FBXL19: variants seen among roughly 807,000 people sequenced by gnomAD.
The protein encoded by FBXL19 is F-box and leucine rich repeat protein 19, also known as F-box/LRR-repeat protein 19.
In FBXL19, 16 loss-of-function variants were observed where a neutral mutation model predicts 71.2. The ratio of observed to expected loss-of-function variants is 0.22; its 90% confidence interval spans 0.15 to 0.34. The LOEUF is 0.34. FBXL19 is among the 10% of genes least tolerant of loss of function. FBXL19 has a pLI of 1.00. For missense variants in FBXL19, 658 were observed against 968.2 expected (o/e 0.68, Z 4.25); for synonymous variants, 447 against 409.4 (o/e 1.09, Z -1.11).
chr16:30,948,550 A>G lies in FBXL19; in HGVS notation c.*1320A>G, dbSNP rs1482946595. ...GGGCTTACCATGTAGGGGAGGGGAG[A>G]TCTATCCACATACCTCAGGTAACAG... On this transcript the variant is annotated 3_prime_UTR_variant, in exon 11 of 11. Transcript: ENST00000338343. 2 of 131,166 alleles carry G rather than the reference A, an allele frequency of 1.5e-5. No homozygotes were observed. The highest frequency in any genetic ancestry group is 3.1e-5 in the Non-Finnish European group (2 of 63,500). The allele number at this position is 131,166 out of a possible 1,614,324, so 8.1% of individuals were successfully genotyped here.
rs1180345469 is a variant in FBXL19 at position 30,948,146 on chromosome 16, C to T, written c.*916C>T. ...CGCCCATTTGGGACTGCGCCACCCC[C>T]AGGCTTGTTCTTGTTTTACTGTATT... is the stretch of plus-strand genomic sequence containing the variant. On this transcript the variant is annotated 3_prime_UTR_variant, in exon 11 of 11. Transcript: ENST00000338343. The T allele has an allele frequency of 2.0e-5, 4 of 203,866 alleles. No homozygotes were observed. In the Admixed American group the frequency reaches 2.3e-4, roughly 12 times the overall value. 12.6% of individuals were successfully genotyped at this position (203,866 alleles called of 1,614,324 possible). A position where few individuals can be genotyped will look rare whatever the true frequency, so the allele number is the denominator to read the frequency against.
intron 6 of FBXL19, among the ~76,000 whole-genome samples, chr16:30,929,088 G>A (rs1455878944): frequency 6.6e-6 from 1 of 152,140 alleles, no homozygotes; most frequent in East Asian, 1.9e-4. Flanking sequence ...AGATTGAAGG[G>A]AAATAAGGCC....
chr16:30,932,480 G>C (rs150251766), intron 7 of FBXL19, among the ~76,000 whole-genome samples: 1 of 152,308 alleles, frequency 6.6e-6, no homozygotes, highest in East Asian at 1.9e-4. Flanking sequence ...CGTGTGGCCC[G>C]AAGCAGACAA....
At position 30,930,204 on chromosome 16, in the gene FBXL19, C is replaced by T. The variant is rs1348206897; in HGVS notation, c.921C>T (p.Ser307=). Reference sequence around the variant, plus strand: ...GGGTGCCTGACACCTCCTCTTCCTCCTCGGACTCAGACTCCGACTCCGACT... The same window carrying T: ...GGGTGCCTGACACCTCCTCTTCCTCTTCGGACTCAGACTCCGACTCCGACT... ...LERVPDTSSS[S]SDSDSDSDSS... is the part of the protein sequence containing the mutation. The change falls in exon 7 of 11, where the codon TCC becomes TCT. Residue 307 remains serine (S), a synonymous_variant. Transcript: ENST00000338343. This position sits in a 1 kb window ranked among gnomAD's most constrained non-coding sequence, Gnocchi z 8.5. 3.1e-6 allele frequency: 5 copies of T among 1,613,090 alleles called. No individual in the cohort carries two copies. The highest frequency in any genetic ancestry group is 3.4e-6 in the Non-Finnish European group (4 of 1,179,890).
At chr16:30,928,083 T>C (rs1160318514) in intron 5 of FBXL19, 120 bp downstream of exon 5, 3 of 681,608 alleles carry the variant, frequency 4.4e-6, no homozygotes, top group Non-Finnish European at 7.1e-6. Context: ...CCAAGGACTG[T>C]TGGGAGATGT....
At position 30,924,333 on chromosome 16, in the gene FBXL19, G is replaced by C. The variant is rs2055563980; in HGVS notation, c.-151G>C. 6.4e-6 allele frequency: 1 copy of C among 155,774 alleles called. No homozygotes were observed. The highest frequency in any genetic ancestry group is 1.4e-5 in the Non-Finnish European group (1 of 70,544). The allele number at this position is 155,774 out of a possible 1,614,324, so 9.6% of individuals were successfully genotyped here. On this transcript the variant is annotated 5_prime_UTR_variant, in exon 1 of 11. Coordinates refer to ENST00000338343, the MANE Select transcript of FBXL19 (RefSeq NM_001382779.1). ...CGGAGGGAGGGGCCGAGCGCCCTCG[G>C]GGGGCCGTGGACCCCGGCGTTCTGA... is the stretch of plus-strand genomic sequence containing the variant.
chr16:30,932,957 C>T (rs2055691806), intron 7 of FBXL19, among the ~76,000 whole-genome samples: 1 of 150,446 alleles, frequency 6.6e-6, no homozygotes, highest in South Asian at 2.1e-4. Context: ...TCTCCTGTCT[C>T]AGCCTCCCAG....
rs916062650 is a variant in FBXL19 at position 30,930,972 on chromosome 16, T to C, written c.1301+388T>C. Reference sequence around the variant, plus strand: ...TCAGCCATAGCACTGAGTGCTGTACTGCATTGTCACTTCTCATACTGCCAC... The same window carrying C: ...TCAGCCATAGCACTGAGTGCTGTACCGCATTGTCACTTCTCATACTGCCAC... On this transcript the variant is annotated intron_variant, in intron 7 of 10. Transcript: ENST00000338343. The surrounding 1 kb of genome is among the most constrained non-coding windows in gnomAD (Gnocchi z 8.5). Among the ~76,000 whole-genome samples, 2 of 152,166 alleles carry C rather than the reference T, an allele frequency of 1.3e-5. No individual in the cohort carries two copies. Among genetic ancestry groups the C allele is most frequent in the African/African-American group, 4.8e-5 (2 of 41,432 alleles).
intron 7 of FBXL19, among the ~76,000 whole-genome samples, chr16:30,937,299 A>G (rs2055749796): frequency 6.6e-6 from 1 of 151,902 alleles, no homozygotes; most frequent in Non-Finnish European, 1.5e-5. Context: ...CATCTGGAAC[A>G]CACACCCTCC....
intron 9 of FBXL19, among the ~76,000 whole-genome samples, chr16:30,945,273 A>G (rs1478775452): frequency 6.6e-6 from 1 of 152,162 alleles, no homozygotes; most frequent in Non-Finnish European, 1.5e-5. Flanking sequence ...GTAAACAGGA[A>G]TGATGATCAG....
At chr16:30,944,325 C>T (rs1319676583) in intron 9 of FBXL19, among the ~76,000 whole-genome samples, 1 of 151,372 alleles carries the variant, frequency 6.6e-6, no homozygotes, top group Non-Finnish European at 1.5e-5. Context: ...GTCTATTTAC[C>T]ATTAGTTATT....
intron 6 of FBXL19, among the ~76,000 whole-genome samples, chr16:30,929,180 G>A (rs1442863223): frequency 2.0e-5 from 3 of 152,208 alleles, no homozygotes; most frequent in Non-Finnish European, 4.4e-5. Context: ...CAACACAGGA[G>A]TCCGCCTGAT....
chr16:30,928,057 G>A, intron 5 of FBXL19, 94 bp downstream of exon 5: 1 of 865,522 alleles, frequency 1.2e-6, no homozygotes, highest in Non-Finnish European at 1.7e-6. Context: ...GCCTGGGAGC[G>A]TGCTCTGTGG....
Position 30,942,963 on chromosome 16 carries a change from A to G in FBXL19, c.1627+427A>G, listed in dbSNP as rs1229304941. ...AGCTTTGAGAGCAGCCCGCCAGCATAATACTGGGCAATTGTGGAGTGCCTT... is the reference window on the plus strand; with the variant it reads ...AGCTTTGAGAGCAGCCCGCCAGCATGATACTGGGCAATTGTGGAGTGCCTT... On this transcript the variant is annotated intron_variant, in intron 9 of 10. Transcript: ENST00000338343. The surrounding 1 kb of genome is among the most constrained non-coding windows in gnomAD (Gnocchi z 5.7). 6.6e-6 allele frequency among the ~76,000 whole-genome samples: 1 copy of G among 152,192 alleles called. No individual in the cohort carries two copies. The highest frequency in any genetic ancestry group is 1.9e-4 in the East Asian group (1 of 5,194).
In FBXL19 at chr16:30,930,322, C is replaced by T. The variant is rs780957071; in HGVS notation, c.1039C>T (p.Arg347Cys). Residue 347 changes from arginine (R) to cysteine (C), a missense_variant, in exon 7 of 11, where the codon CGT becomes TGT. Arg to Cys is a radical substitution (Grantham distance 180). Transcript: ENST00000338343. The surrounding 1 kb of genome is among the most constrained non-coding windows in gnomAD (Gnocchi z 8.5). ...GGGCAGCTCTGGCGAGAAGGAGAAC[C>T]GTGGGGGGCGGCGGGCTGTGCGCCC... The part of the protein sequence containing the change: ...ARGSSGEKEN[R>C]GGRRAVRPGS... 6 of 1,604,410 alleles carry T rather than the reference C, an allele frequency of 3.7e-6. No individual in the cohort carries two copies. Among genetic ancestry groups the T allele is most frequent in the Non-Finnish European group, 3.4e-6 (4 of 1,175,486 alleles).
At chr16:30,941,691 G>A (rs1269977454) in intron 7 of FBXL19, among the ~76,000 whole-genome samples, 2 of 152,164 alleles carry the variant, frequency 1.3e-5, no homozygotes, top group African/African-American at 4.8e-5. Context: ...AGAAGCCCAA[G>A]GGTGGCTGGA....
intron 7 of FBXL19, among the ~76,000 whole-genome samples, chr16:30,931,880 C>A (rs542365536): frequency 1.3e-5 from 2 of 151,768 alleles, no homozygotes; most frequent in African/African-American, 4.8e-5. Context: ...GCACCCACCA[C>A]CACACCCGGC....
Position 30,945,849 on chromosome 16 carries a change from G to GAAA in FBXL19, c.1628-859_1628-857dup, listed in dbSNP as rs11464927. Among the ~76,000 whole-genome samples the GAAA allele has an allele frequency of 5.5e-4, 48 of 86,818 alleles. 1 individual carries two copies. The highest frequency in any genetic ancestry group is 2.4e-3 in the African/African-American group (43 of 17,758). The allele number at this position is 86,818 out of a possible 152,430, so 57.0% of individuals were successfully genotyped here. On this transcript the variant is annotated intron_variant, in intron 9 of 10. Coordinates refer to ENST00000338343, the MANE Select transcript of FBXL19 (RefSeq NM_001382779.1). ...TGACAGAGCAAGACTCCGTCTCGGGGAAAAAAAAAAAAAAAAAAAAAAAAG... is the reference window on the plus strand; with the variant it reads ...TGACAGAGCAAGACTCCGTCTCGGGGAAAAAAAAAAAAAAAAAAAAAAAAAAAG...
chr16:30,929,659 A>C lies in FBXL19; in HGVS notation c.790-414A>C, dbSNP rs1399568900. On this transcript the variant is annotated intron_variant, in intron 6 of 10. Transcript: ENST00000338343. Reference sequence around the variant, plus strand: ...CTGAAACCTCCACCTCCCAGGTTGAAGCAATTCTGCCTCAGCCTCCCGAGT... The same window carrying C: ...CTGAAACCTCCACCTCCCAGGTTGACGCAATTCTGCCTCAGCCTCCCGAGT... Among the ~76,000 whole-genome samples the C allele has an allele frequency of 2.0e-5, 3 of 152,284 alleles. No homozygotes were observed. The East Asian group carries it at 5.8e-4, about 29-fold the overall frequency.
Sources: allele counts gnomAD v4.1 joint callset (sites outside exome capture counted in the v4.1 genomes callset), GRCh38; gene constraint gnomAD v4.1.1; non-coding constraint Gnocchi (gnomAD v3.1); transcripts MANE v1.5; gene names NCBI Gene and HGNC (gene_info 2026-07-23, HGNC 2026-07-21).